The following PCED1B variants were observed in gnomAD, a reference collection of about 807,000 sequenced individuals.
PCED1B encodes PC-esterase domain containing 1B, also known as PC-esterase domain-containing protein 1B.
For synonymous variants in PCED1B, 251 were observed against 246.1 expected (o/e 1.02, Z -0.19); for missense variants, 573 against 573.9 (o/e 1.00, Z 0.02).
intron 2 of PCED1B, among the ~76,000 whole-genome samples, chr12:47,117,547 A>G (rs1267016756): frequency 6.6e-6 from 1 of 152,180 alleles, no homozygotes; most frequent in East Asian, 1.9e-4. Flanking sequence ...TTATGGCTGC[A>G]TAGTATTCCA....
chr12:47,125,319 A>G (rs936228350), intron 2 of PCED1B, among the ~76,000 whole-genome samples: 3 of 152,016 alleles, frequency 2.0e-5, no homozygotes, highest in East Asian at 1.9e-4. Flanking sequence ...TCAATTGACC[A>G]TATATGTGTG....
chr12:47,189,193 G>T (rs832732), intron 2 of PCED1B, among the ~76,000 whole-genome samples: 15,451 of 152,198 alleles, frequency 0.1, 1,867 homozygotes, highest in African/African-American at 0.29. Context: ...CTGAGAAGTT[G>T]TCTAAGCAGA....
chr12:47,155,401 T>G (rs1040439237), intron 2 of PCED1B, among the ~76,000 whole-genome samples: 2 of 152,344 alleles, frequency 1.3e-5, no homozygotes, highest in Admixed American at 6.5e-5. Context: ...GAAGTTACCT[T>G]GTGTTGTAGA....
chr12:47,104,083 A>C (rs1159172227), intron 1 of PCED1B, 30 bp from the exon 2 acceptor site: 1 of 152,210 alleles, frequency 6.6e-6, no homozygotes, highest in East Asian at 1.9e-4. Context: ...TGGAAAATGA[A>C]TAATTAAACA....
chr12:47,217,470 G>GAGGAAAGAAAGAA lies in PCED1B; in HGVS notation c.-58+783_-58+784insGAAAGAAAGAAAG, dbSNP rs1292085211. ...AAAGAAAGAAAGAAAAAGAAAGAAA[G>GAGGAAAGAAAGAA]AGAAAGAAAGAAAGAAAGAAAGAAA... On this transcript the variant is annotated intron_variant, in intron 3 of 3. Transcript: ENST00000546455. 1.2e-3 allele frequency among the ~76,000 whole-genome samples: 112 copies of GAGGAAAGAAAGAA among 90,920 alleles called. 6 individuals are homozygous for GAGGAAAGAAAGAA. The highest frequency in any genetic ancestry group is 5.5e-3 in the African/African-American group (110 of 20,148). The allele number at this position is 90,920 out of a possible 152,430, so 59.6% of individuals were successfully genotyped here. A position where few individuals can be genotyped will look rare whatever the true frequency, so the allele number is the denominator to read the frequency against.
At chr12:47,123,956 C>T (rs6582694) in intron 2 of PCED1B, among the ~76,000 whole-genome samples, 150,898 of 152,148 alleles carry the variant, frequency 0.99, 74,841 homozygotes, top group East Asian at 1. Flanking sequence ...TTTTGTTGTT[C>T]CTATTTTGGG....
intron 2 of PCED1B, among the ~76,000 whole-genome samples, chr12:47,109,750 A>G (rs1354699717): frequency 6.6e-6 from 1 of 152,198 alleles, no homozygotes; most frequent in Non-Finnish European, 1.5e-5. Context: ...ATTACCTGAA[A>G]AACTTTTTTA....
chr12:47,224,970 C>T (rs1429009465), intron 3 of PCED1B, among the ~76,000 whole-genome samples: 7 of 152,122 alleles, frequency 4.6e-5, no homozygotes, highest in South Asian at 2.1e-4. Flanking sequence ...CTCACGCTGT[C>T]GCCCAGGCTG....
At chr12:47,175,335 T>C (rs1039165182) in intron 2 of PCED1B, among the ~76,000 whole-genome samples, 4 of 152,188 alleles carry the variant, frequency 2.6e-5, no homozygotes, top group Non-Finnish European at 5.9e-5. Context: ...CTCATGTTAA[T>C]TTGGGGTGGC....
chr12:47,141,424 CA>C (rs1022312779), intron 2 of PCED1B, among the ~76,000 whole-genome samples: 1 of 152,200 alleles, frequency 6.6e-6, no homozygotes, highest in African/African-American at 2.4e-5. Context: ...TCTGTGGACT[CA>C]GCTACAGCCC....
At chr12:47,211,491 TAA>T (rs577096312) in intron 2 of PCED1B, among the ~76,000 whole-genome samples, 12 of 131,852 alleles carry the variant, frequency 9.1e-5, no homozygotes, top group Non-Finnish European at 8.2e-5. Context: ...AACTCTACTT[TAA>T]AAAAAAAAAA....
chr12:47,147,618 ATCTG>A (rs970897126), intron 2 of PCED1B, among the ~76,000 whole-genome samples: 1 of 152,124 alleles, frequency 6.6e-6, no homozygotes, highest in Non-Finnish European at 1.5e-5. Context: ...TCCATATTCT[ATCTG>A]TCTACCATCC....
At chr12:47,231,565 G>T (rs1943808665) in intron 3 of PCED1B, among the ~76,000 whole-genome samples, 1 of 152,082 alleles carries the variant, frequency 6.6e-6, no homozygotes, top group South Asian at 2.1e-4. Flanking sequence ...GATAAGAAAG[G>T]GCAGATCTGG....
chr12:47,233,423 C>T (rs978407573), intron 3 of PCED1B, among the ~76,000 whole-genome samples: 1 of 152,234 alleles, frequency 6.6e-6, no homozygotes, highest in African/African-American at 2.4e-5. Flanking sequence ...CAGGCGTGAG[C>T]CGCCACAATT....
At chr12:47,111,183 C>A (rs959786007) in intron 2 of PCED1B, among the ~76,000 whole-genome samples, 3 of 152,084 alleles carry the variant, frequency 2.0e-5, no homozygotes, top group Non-Finnish European at 2.9e-5. Flanking sequence ...ACATAAAGAT[C>A]ACAAAGCCAC....
chr12:47,196,909 G>A (rs1182833169), intron 2 of PCED1B, among the ~76,000 whole-genome samples: 4 of 151,584 alleles, frequency 2.6e-5, no homozygotes, highest in Non-Finnish European at 4.4e-5. Flanking sequence ...AAGCTGAAAT[G>A]AAAACATTTG....
intron 2 of PCED1B, among the ~76,000 whole-genome samples, chr12:47,111,118 A>G (rs942318976): frequency 1.3e-5 from 2 of 152,168 alleles, no homozygotes; most frequent in East Asian, 3.8e-4. Context: ...TTGCCTTAAT[A>G]ATAGAAGCCC....
chr12:47,112,862 A>G (rs962586341), intron 2 of PCED1B, among the ~76,000 whole-genome samples: 1 of 152,186 alleles, frequency 6.6e-6, no homozygotes, highest in African/African-American at 2.4e-5. Flanking sequence ...TTTTACAGTA[A>G]AGAGCCTCAG....
intron 2 of PCED1B, among the ~76,000 whole-genome samples, chr12:47,195,563 C>T (rs1432314821): frequency 6.6e-6 from 1 of 152,008 alleles, no homozygotes. Flanking sequence ...AAAAAAAAAC[C>T]CCACCATAGT....
Sources: allele counts gnomAD v4.1 joint callset (sites outside exome capture counted in the v4.1 genomes callset), GRCh38; gene constraint gnomAD v4.1.1; transcripts MANE v1.5; gene names NCBI Gene and HGNC (gene_info 2026-07-23, HGNC 2026-07-21).